The following KANK1 variants were observed in gnomAD, a reference collection of about 807,000 sequenced individuals.
The protein encoded by KANK1 is KN motif and ankyrin repeat domain-containing protein 1.
KANK1 carries 109 observed loss-of-function variants against 106.2 expected under a neutral mutation model. That is an observed-to-expected ratio of 1.03 (90% CI 0.88 to 1.20). The LOEUF (loss-of-function observed/expected upper bound fraction) is 1.20. Ranked by LOEUF, KANK1 falls within the 50% of genes most tolerant of loss-of-function variation. KANK1 has a pLI of 0.00. For synonymous variants in KANK1, 873 were observed against 652.2 expected, an observed-to-expected ratio of 1.34 and a Z score of -5.16; for missense variants, 2,399 against 1,710.7, an observed-to-expected ratio of 1.40 and a Z score of -7.10.
rs935068203 is a variant in KANK1, at chr9:711,651, A to C, written c.885A>C (p.Gln295His). ...TCCAGGTAAAGATCTCTGTCTTGCA[A>C]GAAGAGAAAAGGCAGTTGGTCTCAC... is the stretch of plus-strand genomic sequence containing the variant. ...PVLQVKISVL[Q>H]EEKRQLVSQL... Residue 295 changes from glutamine to histidine, a missense_variant, in exon 3 of 12, where the codon CAA becomes CAC. By Grantham distance (24) the Gln-to-His change is conservative. Transcript: ENST00000382297. 2 of 1,614,078 alleles carry C rather than the reference A, an allele frequency of 1.2e-6. No individual in the cohort carries two copies. The highest frequency in any genetic ancestry group is 2.7e-5 in the African/African-American group (2 of 74,926).
intron 3 of KANK1, among the ~76,000 whole-genome samples, chr9:717,101 A>G (rs1369621819): frequency 1.3e-5 from 2 of 152,080 alleles, no homozygotes; most frequent in East Asian, 3.9e-4. Flanking sequence ...CCTGGGCAAT[A>G]TGGTAAAACC....
In KANK1 at chr9:745,765, C is replaced by G. The variant is rs1427293406; in HGVS notation, c.*530C>G. On this transcript the variant is annotated 3_prime_UTR_variant, in exon 12 of 12. Coordinates refer to ENST00000382297, the MANE Select transcript of KANK1 (RefSeq NM_015158.5). Reference sequence around the variant, plus strand: ...TATAAAACTTACAAAAGAATATTCTCATTTGGTCTTAACTAGGTAGATGTA... The same window carrying G: ...TATAAAACTTACAAAAGAATATTCTGATTTGGTCTTAACTAGGTAGATGTA... 1.3e-5 allele frequency: 2 copies of G among 152,678 alleles called. No homozygotes were observed. The highest frequency in any genetic ancestry group is 1.3e-4 in the Admixed American group (2 of 15,286). 9.5% of individuals were successfully genotyped at this position (152,678 alleles called of 1,614,324 possible).
chr9:652,991 C>A (rs1841259935), intron 1 of KANK1, among the ~76,000 whole-genome samples: 1 of 152,320 alleles, frequency 6.6e-6, no homozygotes, highest in South Asian at 2.1e-4. Flanking sequence ...GAATAGTCCT[C>A]ACTGTGCCAG....
At chr9:556,371 G>C (rs1469344376) in intron 1 of KANK1, among the ~76,000 whole-genome samples, 3 of 152,140 alleles carry the variant, frequency 2.0e-5, no homozygotes, top group Admixed American at 2.0e-4. Flanking sequence ...GGGAACCTTG[G>C]TTTCTGAGTT....
intron 1 of KANK1, among the ~76,000 whole-genome samples, chr9:507,201 AAAAT>A (rs2058801853): frequency 6.6e-6 from 1 of 152,072 alleles, no homozygotes; most frequent in Non-Finnish European, 1.5e-5. Flanking sequence ...AAAAAAATAA[AAAAT>A]AACCGGATAT....
intron 1 of KANK1, among the ~76,000 whole-genome samples, chr9:653,494 A>AT (rs35445681): frequency 0.18 from 27,557 of 152,022 alleles, 2,731 homozygotes; most frequent in East Asian, 0.32. Context: ...ATACATGGAA[A>AT]TTCAGAGGTT....
At chr9:613,135 G>C (rs1172373936) in intron 1 of KANK1, among the ~76,000 whole-genome samples, 1 of 152,028 alleles carries the variant, frequency 6.6e-6, no homozygotes, top group Non-Finnish European at 1.5e-5. Flanking sequence ...AAGTAGACCA[G>C]AATAGGCCAG....
At chr9:595,781 C>G (rs974657121) in intron 1 of KANK1, among the ~76,000 whole-genome samples, 2 of 151,844 alleles carry the variant, frequency 1.3e-5, no homozygotes, top group African/African-American at 4.9e-5. Context: ...ATGGACCTCC[C>G]AAAGTGCTGG....
upstream of KANK1, among the ~76,000 whole-genome samples, chr9:501,914 T>C (rs1401686667): frequency 2.6e-5 from 4 of 152,240 alleles, no homozygotes. Flanking sequence ...TCGCATGTTA[T>C]ATTTCAAGAA....
chr9:740,219 A>G (rs1835038533), intron 8 of KANK1, among the ~76,000 whole-genome samples: 1 of 152,210 alleles, frequency 6.6e-6, no homozygotes. Flanking sequence ...GATTCTGTTA[A>G]GGGGACTTAA....
At chr9:730,366 T>C in intron 4 of KANK1, 118 bp downstream of exon 4, 2 of 1,085,992 alleles carry the variant, frequency 1.8e-6, no homozygotes, top group Non-Finnish European at 2.7e-6. Flanking sequence ...ATATCGTTAT[T>C]TGGAAGGTAG....
At chr9:556,179 A>G (rs2061573214) in intron 1 of KANK1, among the ~76,000 whole-genome samples, 9 of 152,222 alleles carry the variant, frequency 5.9e-5, no homozygotes, top group Admixed American at 5.9e-4. Flanking sequence ...AGGAGGAGAA[A>G]TTTTAGAGCT....
intron 2 of KANK1, among the ~76,000 whole-genome samples, chr9:679,916 A>G (rs79341645): frequency 0.044 from 6,631 of 152,190 alleles, 397 homozygotes; most frequent in East Asian, 0.21. Flanking sequence ...CACCTCTCCA[A>G]TGTTTAAAAA....
At chr9:581,117 G>A (rs1334041989) in intron 1 of KANK1, among the ~76,000 whole-genome samples, 2 of 152,256 alleles carry the variant, frequency 1.3e-5, no homozygotes, top group Non-Finnish European at 1.5e-5. Flanking sequence ...CCTGGCCCGC[G>A]AGCGTTGTGT....
rs376510378 is a variant in KANK1 at position 527,671 on chromosome 9, G to C, written c.-84+22917G>C. 4.0e-4 allele frequency among the ~76,000 whole-genome samples: 60 copies of C among 151,196 alleles called. 1 individual carries two copies. The highest frequency in any genetic ancestry group is 7.9e-4 in the Admixed American group (12 of 15,222). ...AGGTTACAAGGGAGATAGTCTCCTT[G>C]AGATTTGGCATATCTAAATTGTCTT... On this transcript the variant is annotated intron_variant, in intron 1 of 11. Transcript: ENST00000382297.
At chr9:739,402 C>G (rs1376236987) in intron 8 of KANK1, among the ~76,000 whole-genome samples, 1 of 152,210 alleles carries the variant, frequency 6.6e-6, no homozygotes, top group Non-Finnish European at 1.5e-5. Context: ...CTCTTCTGCT[C>G]TGTTTTGGGA....
intron 1 of KANK1, among the ~76,000 whole-genome samples, chr9:529,245 A>G (rs1467960533): frequency 6.6e-6 from 1 of 151,094 alleles, no homozygotes; most frequent in Non-Finnish European, 1.5e-5. Context: ...ACACACACAC[A>G]CACACACACA....
At chr9:715,481 C>A (rs1827434097) in intron 3 of KANK1, among the ~76,000 whole-genome samples, 1 of 152,134 alleles carries the variant, frequency 6.6e-6, no homozygotes, top group East Asian at 1.9e-4. Context: ...AGCTGTAACC[C>A]TGAAGTAATT....
intron 2 of KANK1, among the ~76,000 whole-genome samples, chr9:686,067 G>A (rs934578282): frequency 1.3e-5 from 2 of 152,124 alleles, no homozygotes; most frequent in African/African-American, 4.8e-5. Context: ...GAGAGATGGG[G>A]TATTTCCAGT....
Sources: gnomAD v4.1 joint callset for allele counts (sites outside exome capture counted in the v4.1 genomes callset) on GRCh38, gnomAD v4.1.1 for gene constraint, MANE v1.5 for transcripts, NCBI Gene and HGNC (gene_info 2026-07-23, HGNC 2026-07-21) for gene names.